TENM3: variants seen among roughly 807,000 people sequenced by gnomAD.
TENM3 encodes the protein teneurin-3.
TENM3 carries 63 observed loss-of-function variants against 255.1 expected under a neutral mutation model. That is an observed-to-expected ratio of 0.25 (90% CI 0.20 to 0.30). The LOEUF (loss-of-function observed/expected upper bound fraction) is 0.30. Ranked by LOEUF, TENM3 falls within the 10% of genes least tolerant of loss-of-function variation. The probability of loss-of-function intolerance (pLI) is 1.00; values close to 1 mark genes in which losing one functional copy is unlikely to be tolerated. For synonymous variants in TENM3, 1,306 were observed against 1,322.3 expected, an observed-to-expected ratio of 0.99 and a Z score of 0.27; for missense variants, 2,929 against 3,461.1, an observed-to-expected ratio of 0.85 and a Z score of 3.86.
At chr4:181,756,424 C>G in the TENM3 span, among the ~76,000 whole-genome samples, 3 of 152,172 alleles carry the variant, frequency 2.0e-5, no homozygotes, top group African/African-American at 7.2e-5. Flanking sequence ...TAGCTTATCA[C>G]TCTGTTTAAA....
chr4:181,985,078 C>T, the TENM3 span, among the ~76,000 whole-genome samples: 2 of 151,914 alleles, frequency 1.3e-5, no homozygotes, highest in Admixed American at 6.6e-5. Flanking sequence ...CTTATGTGTC[C>T]TGACTCTTCA....
chr4:181,641,554 GTATATATA>G, the TENM3 span, among the ~76,000 whole-genome samples: 154 of 26,902 alleles, frequency 5.7e-3, 3 homozygotes, highest in Middle Eastern at 0.033. Flanking sequence ...TGGTGTGTGT[GTATATATA>G]TATATATATA....
chr4:182,462,183 C>T (rs1320887352), intron 3 of TENM3, among the ~76,000 whole-genome samples: 1 of 151,826 alleles, frequency 6.6e-6, no homozygotes, highest in East Asian at 1.9e-4. Context: ...ATCCTCCTGC[C>T]TCAGCCTCCA....
chr4:181,695,770 T>C, the TENM3 span, among the ~76,000 whole-genome samples: 1 of 152,224 alleles, frequency 6.6e-6, no homozygotes, highest in African/African-American at 2.4e-5. Flanking sequence ...CGGTTAACTT[T>C]GTAGATTAAA....
the TENM3 span, among the ~76,000 whole-genome samples, chr4:182,136,429 T>G: frequency 6.6e-6 from 1 of 152,166 alleles, no homozygotes; most frequent in Admixed American, 6.5e-5. Context: ...GTCTGGGTGA[T>G]GGAAGGGTAG....
At chr4:182,034,655 C>G in the TENM3 span, among the ~76,000 whole-genome samples, 1 of 152,064 alleles carries the variant, frequency 6.6e-6, no homozygotes, top group African/African-American at 2.4e-5. Context: ...TTAGTTTGGC[C>G]AGATATGAAA....
At chr4:182,408,974 C>A (rs964811948) in intron 3 of TENM3, among the ~76,000 whole-genome samples, 1 of 152,204 alleles carries the variant, frequency 6.6e-6, no homozygotes, top group Non-Finnish European at 1.5e-5. Flanking sequence ...TTACAGATAA[C>A]GAGGACCAGT....
intron 1 of TENM3, among the ~76,000 whole-genome samples, chr4:182,179,163 C>G (rs144745916): frequency 3.3e-5 from 5 of 152,110 alleles, no homozygotes; most frequent in African/African-American, 9.6e-5. Flanking sequence ...TTTTAAGGAC[C>G]CCTTTTATTT....
chr4:182,054,780 A>G, the TENM3 span, among the ~76,000 whole-genome samples: 2 of 152,074 alleles, frequency 1.3e-5, no homozygotes, highest in Non-Finnish European at 2.9e-5. Flanking sequence ...ATATACACCT[A>G]CTATGTACCC....
the TENM3 span, among the ~76,000 whole-genome samples, chr4:181,766,918 A>C: frequency 6.6e-6 from 1 of 152,140 alleles, no homozygotes; most frequent in Non-Finnish European, 1.5e-5. Context: ...ATCAAACAAG[A>C]ATTTGGAGAT....
At chr4:181,760,192 T>A in the TENM3 span, among the ~76,000 whole-genome samples, 7 of 151,646 alleles carry the variant, frequency 4.6e-5, no homozygotes, top group Non-Finnish European at 1.5e-5. Flanking sequence ...GATTTCCCCC[T>A]CTTCCTCCAA....
chr4:182,704,375 G>C (rs765785019), intron 12 of TENM3, among the ~76,000 whole-genome samples: 4 of 152,162 alleles, frequency 2.6e-5, no homozygotes, highest in Non-Finnish European at 5.9e-5. Context: ...TGTGTATGTA[G>C]TCCATGGTCA....
the TENM3 span, among the ~76,000 whole-genome samples, chr4:181,754,508 G>C: frequency 2.6e-5 from 4 of 152,130 alleles, no homozygotes; most frequent in African/African-American, 4.8e-5. Flanking sequence ...ATTGTGAAAT[G>C]GGTCTTCAAA....
intron 3 of TENM3, among the ~76,000 whole-genome samples, chr4:182,466,853 GT>G (rs57656357): frequency 0.042 from 5,990 of 143,814 alleles, 164 homozygotes; most frequent in Non-Finnish European, 0.059. Flanking sequence ...GCTGTCTTCA[GT>G]TTTTTTTTTT....
intron 3 of TENM3, among the ~76,000 whole-genome samples, chr4:182,537,793 TTTG>T (rs1203828383): frequency 3.3e-5 from 5 of 152,212 alleles, no homozygotes; most frequent in Non-Finnish European, 2.9e-5. Flanking sequence ...GTCTCTGTGT[TTTG>T]TTCATGCTGC....
At chr4:182,366,874 A>G (rs554030449) in intron 3 of TENM3, among the ~76,000 whole-genome samples, 1 of 152,300 alleles carries the variant, frequency 6.6e-6, no homozygotes, top group East Asian at 1.9e-4. Flanking sequence ...ATTTTTCAGT[A>G]AAAATAAAGT....
In TENM3 at chr4:182,276,467, C is replaced by A. The variant is rs544391540; in HGVS notation, c.-76+32991C>A. 3.9e-5 allele frequency among the ~76,000 whole-genome samples: 6 copies of A among 152,282 alleles called. 1 individual carries two copies. The South Asian group carries it at 1.2e-3, about 32-fold the overall frequency. Reference sequence around the variant, plus strand: ...AAAGAGCATAAGGTTTCCATCAAGCCTTTGACTCGAATGCGAACCTGTCTC... The same window carrying A: ...AAAGAGCATAAGGTTTCCATCAAGCATTTGACTCGAATGCGAACCTGTCTC... On this transcript the variant is annotated intron_variant, in intron 1 of 27. Coordinates refer to ENST00000511685, the MANE Select transcript of TENM3 (RefSeq NM_001080477.4).
chr4:181,711,376 A>T, the TENM3 span, among the ~76,000 whole-genome samples: 1 of 152,192 alleles, frequency 6.6e-6, no homozygotes, highest in Non-Finnish European at 1.5e-5. Context: ...CTCTGAAAAG[A>T]TAGAGTGAGT....
chr4:182,600,893 CTT>C (rs774689891), intron 3 of TENM3, 29 bp from the exon 4 acceptor site: 1 of 992,144 alleles, frequency 1.0e-6, no homozygotes, highest in South Asian at 1.5e-5. Context: ...AATGAGTTCT[CTT>C]TCTTTTTTTT....
Sources: allele counts gnomAD v4.1 joint callset (sites outside exome capture counted in the v4.1 genomes callset), GRCh38; gene constraint gnomAD v4.1.1; transcripts MANE v1.5; gene names NCBI Gene and HGNC (gene_info 2026-07-23, HGNC 2026-07-21).